The following DRGX variants were observed in gnomAD, a reference collection of about 807,000 sequenced individuals.
DRGX encodes the protein dorsal root ganglia homeobox.
In DRGX, 21 loss-of-function variants were observed where a neutral mutation model predicts 28.6. That is an observed-to-expected ratio of 0.73 (90% CI 0.52 to 1.06). DRGX has a LOEUF of 1.06. Among genes scored for constraint, DRGX ranks in the 50% least tolerant of loss-of-function variants. The pLI is 0.00. For missense variants in DRGX, 354 were observed against 343.9 expected, an observed-to-expected ratio of 1.03 and a Z score of -0.23; for synonymous variants, 136 against 139.1, an observed-to-expected ratio of 0.98 and a Z score of 0.16.
intron 4 of DRGX, among the ~76,000 whole-genome samples, chr10:49,387,532 A>G (rs1849853058): frequency 6.6e-6 from 1 of 152,038 alleles, no homozygotes; most frequent in South Asian, 2.1e-4. Context: ...GTGTGGTGGT[A>G]CATGCCTGTA....
Position 49,366,067 on chromosome 10 carries a change from G to T in DRGX, c.*49C>A. On this transcript the variant is annotated 3_prime_UTR_variant, in exon 7 of 7. Coordinates refer to ENST00000374139, the MANE Select transcript of DRGX (RefSeq NM_001276451.2). Reference sequence around the variant, plus strand: ...GAGTTTTCTGTAGGGGCTGAGGCTGGGAGAAGGAGGGGCGGGGGAGGGCAG... The same window carrying T: ...GAGTTTTCTGTAGGGGCTGAGGCTGTGAGAAGGAGGGGCGGGGGAGGGCAG... 1 of 1,503,846 alleles carries T rather than the reference G, an allele frequency of 6.6e-7. No homozygotes were observed. The highest frequency in any genetic ancestry group is 1.3e-5 in the South Asian group (1 of 74,612). 93.2% of individuals were successfully genotyped at this position (1,503,846 alleles called of 1,614,324 possible). A position where few individuals can be genotyped will look rare whatever the true frequency, so the allele number is the denominator to read the frequency against.
intron 4 of DRGX, among the ~76,000 whole-genome samples, chr10:49,388,457 T>G (rs1025654380): frequency 2.0e-5 from 3 of 152,230 alleles, no homozygotes; most frequent in African/African-American, 7.2e-5. Flanking sequence ...CTCCTTTAAC[T>G]GGGTTTCTTT....
At chr10:49,382,808 C>T (rs139304683) in intron 6 of DRGX, among the ~76,000 whole-genome samples, 1 of 152,330 alleles carries the variant, frequency 6.6e-6, no homozygotes, top group East Asian at 1.9e-4. Flanking sequence ...GAATCCCTTC[C>T]CTCCTTCTTC....
At chr10:49,380,844 G>C (rs774110737) in intron 6 of DRGX, among the ~76,000 whole-genome samples, 15 of 152,212 alleles carry the variant, frequency 9.9e-5, no homozygotes, top group Non-Finnish European at 1.8e-4. Flanking sequence ...CATGAGAATG[G>C]AGGACTCTGG....
At chr10:49,385,411 G>A (rs1488444671) in intron 6 of DRGX, among the ~76,000 whole-genome samples, 1 of 152,018 alleles carries the variant, frequency 6.6e-6, no homozygotes, top group East Asian at 1.9e-4. Context: ...CTATCTCTGG[G>A]CACTCTCCCA....
At position 49,395,457 on chromosome 10, in the gene DRGX, G is replaced by T; in HGVS notation, c.-17C>A. 6.5e-7 allele frequency: 1 copy of T among 1,549,986 alleles called. No individual in the cohort carries two copies. ...ATAAAACATCGCCGGCTGTCAGATC[G>T]GCTGGACGGCCGAGACCTGGGAGGG... On this transcript the variant is annotated 5_prime_UTR_variant, in exon 2 of 7. Transcript: ENST00000374139.
intron 6 of DRGX, among the ~76,000 whole-genome samples, chr10:49,368,718 C>G (rs957619099): frequency 6.6e-6 from 1 of 152,234 alleles, no homozygotes; most frequent in African/African-American, 2.4e-5. Context: ...GAATGGTGGT[C>G]CCCCTTGGAG....
At chr10:49,376,731 G>A (rs765886806) in intron 6 of DRGX, among the ~76,000 whole-genome samples, 8 of 152,198 alleles carry the variant, frequency 5.3e-5, no homozygotes, top group Non-Finnish European at 7.3e-5. Flanking sequence ...CAAGAAGGAC[G>A]CAGCATTGCC....
intron 6 of DRGX, among the ~76,000 whole-genome samples, chr10:49,380,431 A>G (rs765703788): frequency 1.3e-5 from 2 of 152,194 alleles, no homozygotes; most frequent in Non-Finnish European, 2.9e-5. Flanking sequence ...TGAATTGTGA[A>G]TGAAATCCTG....
At chr10:49,370,336 T>C (rs1438771958) in intron 6 of DRGX, among the ~76,000 whole-genome samples, 1 of 152,122 alleles carries the variant, frequency 6.6e-6, no homozygotes, top group African/African-American at 2.4e-5. Context: ...ACCTGGGAAG[T>C]GGAGGTTGCA....
intron 4 of DRGX, among the ~76,000 whole-genome samples, chr10:49,387,091 G>A (rs1314112770): frequency 6.6e-6 from 1 of 152,204 alleles, no homozygotes; most frequent in Non-Finnish European, 1.5e-5. Flanking sequence ...CCCATAGTAA[G>A]GGTAAAAGCA....
chr10:49,377,834 G>A (rs1393942674), intron 6 of DRGX, among the ~76,000 whole-genome samples: 1 of 152,178 alleles, frequency 6.6e-6, no homozygotes. Context: ...CACAACAGTT[G>A]CTATTTTATA....
chr10:49,376,243 A>T (rs905621388), intron 6 of DRGX, among the ~76,000 whole-genome samples: 3 of 152,286 alleles, frequency 2.0e-5, no homozygotes, highest in Middle Eastern at 3.4e-3. Context: ...TACAAATCTT[A>T]AGTGCCAGGA....
At chr10:49,367,944 C>T (rs1193360363) in intron 6 of DRGX, among the ~76,000 whole-genome samples, 2 of 152,196 alleles carry the variant, frequency 1.3e-5, no homozygotes, top group Admixed American at 1.3e-4. Context: ...AGAGATCAAC[C>T]TCAGGGGCAG....
chr10:49,393,933 G>A (rs1013833711), intron 2 of DRGX, among the ~76,000 whole-genome samples: 6 of 152,146 alleles, frequency 3.9e-5, no homozygotes, highest in African/African-American at 9.7e-5. Context: ...CATTCATGAC[G>A]TCCCCTACCT....
At chr10:49,368,660 C>T (rs556580435) in intron 6 of DRGX, among the ~76,000 whole-genome samples, 2 of 152,382 alleles carry the variant, frequency 1.3e-5, no homozygotes, top group Admixed American at 6.5e-5. Context: ...TGCCCAAACG[C>T]ACTCACTGGT....
chr10:49,395,274 G>GC lies in DRGX; in HGVS notation c.34+132dup, dbSNP rs1331890539. The GC allele has an allele frequency of 2.8e-6, 3 of 1,084,262 alleles. No homozygotes were observed. In the African/African-American group the frequency reaches 4.7e-5, roughly 17 times the overall value. 67.2% of individuals were successfully genotyped at this position (1,084,262 alleles called of 1,614,324 possible). Reference sequence around the variant, plus strand: ...GGGGTGTAGGGAGGGGTCCAGGGAGGCCCCTACTCACCGGCAGGCGGCTGC... The same window carrying GC: ...GGGGTGTAGGGAGGGGTCCAGGGAGGCCCCCTACTCACCGGCAGGCGGCTGC... On this transcript the variant is annotated intron_variant, in intron 2 of 6. Transcript: ENST00000374139.
chr10:49,383,117 T>C (rs574167171), intron 6 of DRGX, among the ~76,000 whole-genome samples: 32 of 152,170 alleles, frequency 2.1e-4, no homozygotes, highest in Admixed American at 2.0e-3. Context: ...TCCAGAAGTG[T>C]CCCACAATGG....
rs1183224540 is a variant in DRGX at position 49,386,851 on chromosome 10, A to C, written c.242T>G (p.Phe81Cys). ...CCTCCATTTGGCCCTTCTGTTCTGG[A>C]ACCAAACCTGAATCCCAGATGGAAA... Reference protein sequence around the residue: ...NLTEARVQVWFQNRRAKWRKT... With the variant: ...NLTEARVQVWCQNRRAKWRKT... The change falls in exon 5 of 7, where the codon TTC (phenylalanine) becomes TGC (cysteine). Residue 81 changes from phenylalanine to cysteine, a missense_variant. Coordinates refer to ENST00000374139, the MANE Select transcript of DRGX (RefSeq NM_001276451.2). 6.4e-7 allele frequency: 1 copy of C among 1,551,748 alleles called. No homozygotes were observed. Among genetic ancestry groups the C allele is most frequent in the Admixed American group, 2.1e-5 (1 of 47,748 alleles).
Sources: allele counts gnomAD v4.1 joint callset (sites outside exome capture counted in the v4.1 genomes callset), GRCh38; gene constraint gnomAD v4.1.1; transcripts MANE v1.5; gene names NCBI Gene and HGNC (gene_info 2026-07-23, HGNC 2026-07-21).